Variants in DKK2 observed in about 807,000 individuals in gnomAD.
DKK2 encodes the protein dickkopf-related protein 2.
A neutral mutation model predicts 28.1 loss-of-function variants in DKK2; 11 were observed. That is an observed-to-expected ratio of 0.39 (90% confidence interval 0.25 to 0.65). The LOEUF is 0.65. DKK2 is among the 30% of genes least tolerant of loss of function. DKK2 has a pLI of 0.47. For synonymous variants in DKK2, 135 were observed against 126.5 expected (o/e 1.07, Z -0.45); for missense variants, 326 against 335.5 (o/e 0.97, Z 0.22).
At chr4:106,941,141 A>T (rs1017672026) in intron 1 of DKK2, among the ~76,000 whole-genome samples, 35 of 152,052 alleles carry the variant, frequency 2.3e-4, no homozygotes, top group African/African-American at 8.2e-4. Flanking sequence ...AAATAAAATA[A>T]AAAAAAGCAT....
At chr4:107,022,970 T>A (rs1200262453) in intron 1 of DKK2, among the ~76,000 whole-genome samples, 1 of 152,064 alleles carries the variant, frequency 6.6e-6, no homozygotes, top group Non-Finnish European at 1.5e-5. Context: ...AAATAAATAC[T>A]GTTTTTAGTT....
intron 1 of DKK2, among the ~76,000 whole-genome samples, chr4:106,936,164 C>T (rs1245059665): frequency 6.6e-6 from 1 of 152,098 alleles, no homozygotes; most frequent in Non-Finnish European, 1.5e-5. Flanking sequence ...GATCAAATTA[C>T]TTTGAGCTAC....
At chr4:106,925,652 T>C (rs966251737) in intron 2 of DKK2, 147 bp downstream of exon 2, 2 of 1,021,838 alleles carry the variant, frequency 2.0e-6, no homozygotes, top group African/African-American at 1.6e-5. Flanking sequence ...GGGGAGGTAA[T>C]CCAGGTAATC....
intron 1 of DKK2, among the ~76,000 whole-genome samples, chr4:107,000,078 G>T (rs1723337620): frequency 6.6e-6 from 1 of 152,092 alleles, no homozygotes; most frequent in Admixed American, 6.5e-5. Flanking sequence ...ACATTAAGAG[G>T]CCAGAATGTT....
At chr4:106,995,636 G>A (rs910095352) in intron 1 of DKK2, among the ~76,000 whole-genome samples, 8 of 151,684 alleles carry the variant, frequency 5.3e-5, no homozygotes, top group African/African-American at 1.2e-4. Flanking sequence ...ATTTAGAGAC[G>A]GACTCTCGCT....
chr4:107,035,316 G>T (rs1478899810), intron 1 of DKK2, 54 bp downstream of exon 1: 1 of 1,592,662 alleles, frequency 6.3e-7, no homozygotes, highest in Non-Finnish European at 8.6e-7. Context: ...GCTAGCCCAA[G>T]AGAGCTGGCC....
At chr4:106,993,327 C>G (rs1232084615) in intron 1 of DKK2, among the ~76,000 whole-genome samples, 5 of 152,226 alleles carry the variant, frequency 3.3e-5, no homozygotes. Flanking sequence ...AGCCTCATGG[C>G]TGGTACATAC....
At position 106,972,194 on chromosome 4, in the gene DKK2, C is replaced by A. The variant is rs145603108; in HGVS notation, c.223-46245G>T. Among the ~76,000 whole-genome samples the A allele has an allele frequency of 9.9e-3, 1,498 of 151,950 alleles. 16 individuals carry two copies. Among genetic ancestry groups the A allele is most frequent in the Non-Finnish European group, 0.014 (972 of 67,922 alleles). On this transcript the variant is annotated intron_variant, in intron 1 of 3. Coordinates refer to ENST00000285311, the MANE Select transcript of DKK2 (RefSeq NM_014421.3). ...CCTAGAGAATTATGTGCCATCTACCCCCGCCTCACCACTTCTCCTCCCCAC... is the reference window on the plus strand; with the variant it reads ...CCTAGAGAATTATGTGCCATCTACCACCGCCTCACCACTTCTCCTCCCCAC...
chr4:107,034,548 C>T (rs1363553798), intron 1 of DKK2, among the ~76,000 whole-genome samples: 2 of 152,188 alleles, frequency 1.3e-5, no homozygotes, highest in African/African-American at 4.8e-5. Context: ...ATGACAGAGA[C>T]AGAGGCGCCT....
intron 1 of DKK2, among the ~76,000 whole-genome samples, chr4:106,946,604 A>G (rs1724780029): frequency 6.6e-6 from 1 of 152,054 alleles, no homozygotes; most frequent in Admixed American, 6.6e-5. Flanking sequence ...TGAAGACATA[A>G]TCTCAAATCT....
chr4:106,975,262 G>A (rs935004073), intron 1 of DKK2, among the ~76,000 whole-genome samples: 4 of 152,156 alleles, frequency 2.6e-5, no homozygotes, highest in African/African-American at 9.7e-5. Context: ...CTCATAAAAT[G>A]AGTTAGTGAG....
At chr4:107,023,359 T>C (rs1723723992) in intron 1 of DKK2, among the ~76,000 whole-genome samples, 1 of 152,038 alleles carries the variant, frequency 6.6e-6, no homozygotes, top group Admixed American at 6.6e-5. Context: ...ATCTTAAATA[T>C]ATACTACTAA....
At chr4:107,001,370 T>C (rs796979695) in intron 1 of DKK2, among the ~76,000 whole-genome samples, 23 of 152,334 alleles carry the variant, frequency 1.5e-4, no homozygotes, top group African/African-American at 5.5e-4. Context: ...TAATTTGTGT[T>C]ACTTGGTTAC....
At chr4:106,979,897 C>T (rs1723000712) in intron 1 of DKK2, among the ~76,000 whole-genome samples, 1 of 152,182 alleles carries the variant, frequency 6.6e-6, no homozygotes, top group African/African-American at 2.4e-5. Flanking sequence ...TATAAGTGGT[C>T]AAATAGATTC....
intron 1 of DKK2, among the ~76,000 whole-genome samples, chr4:106,974,194 T>G (rs1722908867): frequency 6.6e-6 from 1 of 152,258 alleles, no homozygotes; most frequent in East Asian, 1.9e-4. Flanking sequence ...AGTTTTCTTC[T>G]TTTTGCTTAG....
At chr4:106,995,653 T>C (rs1723261563) in intron 1 of DKK2, among the ~76,000 whole-genome samples, 1 of 152,110 alleles carries the variant, frequency 6.6e-6, no homozygotes, top group African/African-American at 2.4e-5. Flanking sequence ...CGCTCTGTCA[T>C]CCAGGCTGGA....
intron 1 of DKK2, among the ~76,000 whole-genome samples, chr4:107,027,755 G>GTTTTTTTTTTTTTTTTTT (rs1404063316): frequency 1.6e-5 from 2 of 124,034 alleles, no homozygotes; most frequent in African/African-American, 5.9e-5. Context: ...CACCTATTAT[G>GTTTTTTTTTTTTTTTTTT]ATTTTTTTTT....
intron 1 of DKK2, among the ~76,000 whole-genome samples, chr4:107,025,552 A>G (rs1333284795): frequency 6.6e-6 from 1 of 152,156 alleles, no homozygotes; most frequent in Non-Finnish European, 1.5e-5. Flanking sequence ...CCTCTATCCT[A>G]GTTAGCACTT....
intron 1 of DKK2, among the ~76,000 whole-genome samples, chr4:107,005,560 C>T (rs1052987713): frequency 1.3e-5 from 2 of 151,852 alleles, no homozygotes; most frequent in Non-Finnish European, 2.9e-5. Flanking sequence ...GATGGTGCTC[C>T]GACATCATTA....
Sources: gnomAD v4.1 joint callset for allele counts (sites outside exome capture counted in the v4.1 genomes callset) on GRCh38, gnomAD v4.1.1 for gene constraint, MANE v1.5 for transcripts, NCBI Gene and HGNC (gene_info 2026-07-23, HGNC 2026-07-21) for gene names.